The following BICD1 variants were observed in gnomAD, a reference collection of about 807,000 sequenced individuals.
BICD1 encodes BICD cargo adaptor 1.
A neutral mutation model predicts 92.5 loss-of-function variants in BICD1; 35 were observed. The observed-to-expected ratio is 0.38, with a 90% CI of 0.29 to 0.50. The LOEUF (loss-of-function observed/expected upper bound fraction) is 0.50. Ranked by LOEUF, BICD1 falls within the 20% of genes least tolerant of loss-of-function variation. The probability of loss-of-function intolerance (pLI) is 0.93; values close to 1 mark genes in which losing one functional copy is unlikely to be tolerated. For synonymous variants in BICD1, 429 were observed against 465.1 expected (o/e 0.92, Z 1.00); for missense variants, 950 against 1,189.8 (o/e 0.80, Z 2.97).
chr12:32,324,829 C>T (rs548713111), intron 4 of BICD1, among the ~76,000 whole-genome samples: 1 of 152,094 alleles, frequency 6.6e-6, no homozygotes, highest in Non-Finnish European at 1.5e-5. Context: ...CCACCCACCT[C>T]GGCCTCCCAA....
intron 2 of BICD1, among the ~76,000 whole-genome samples, chr12:32,232,120 G>C (rs1451677767): frequency 1.3e-5 from 2 of 151,132 alleles, no homozygotes; most frequent in East Asian, 3.9e-4. Context: ...GGATGGCTGG[G>C]TCAAATGGTA....
At chr12:32,110,876 T>C (rs1394553090) in intron 1 of BICD1, among the ~76,000 whole-genome samples, 3 of 150,092 alleles carry the variant, frequency 2.0e-5, no homozygotes, top group African/African-American at 7.3e-5. Flanking sequence ...TTAGGAGATA[T>C]ACCTAATGCT....
chr12:32,335,615 C>G (rs1460497678), intron 6 of BICD1, among the ~76,000 whole-genome samples: 1 of 143,196 alleles, frequency 7.0e-6, no homozygotes, highest in Non-Finnish European at 1.5e-5. Context: ...GGGTCTCACT[C>G]TGTCACCCAG....
chr12:32,338,911 C>T lies in BICD1; in HGVS notation c.2696C>T (p.Pro899Leu), dbSNP rs1005858759. ...STESFLLKGP[P>L]SMSEFIQGHR... ...GAATCATTTCTTCTGAAGGGCCCCC[C>T]TTCCATGAGTGAATTCATCCAAGGG... The change falls in exon 8 of 10, where the codon CCT becomes CTT. Residue 899 changes from proline (P) to leucine (L), a missense_variant. This residue lies in a region of BICD1 where 179 missense variants were observed against 186.7 expected (regional missense o/e 0.96). Coordinates refer to ENST00000652176, the MANE Select transcript of BICD1 (RefSeq NM_001714.4). 5 of 1,608,482 alleles carry T rather than the reference C, an allele frequency of 3.1e-6. No individual in the cohort carries two copies. Among genetic ancestry groups the T allele is most frequent in the Non-Finnish European group, 4.2e-6 (5 of 1,177,750 alleles).
intron 3 of BICD1, among the ~76,000 whole-genome samples, chr12:32,297,841 C>T (rs1401763456): frequency 6.6e-6 from 1 of 151,702 alleles, no homozygotes; most frequent in Non-Finnish European, 1.5e-5. Flanking sequence ...CATATAGCAC[C>T]TACGATAGAG....
At chr12:32,277,735 G>T (rs1165353106) in intron 2 of BICD1, among the ~76,000 whole-genome samples, 1 of 152,166 alleles carries the variant, frequency 6.6e-6, no homozygotes, top group African/African-American at 2.4e-5. Flanking sequence ...CCCTTGATTT[G>T]CAAATCAAGC....
At chr12:32,266,504 C>A (rs1438249067) in intron 2 of BICD1, among the ~76,000 whole-genome samples, 1 of 151,972 alleles carries the variant, frequency 6.6e-6, no homozygotes, top group Non-Finnish European at 1.5e-5. Context: ...AGCAAACTGC[C>A]AAAAAATCAT....
At chr12:32,340,432 C>A (rs1417081273) in intron 8 of BICD1, 1 of 985,244 alleles carries the variant, frequency 1.0e-6, no homozygotes, top group East Asian at 1.1e-4. Context: ...TATCAGGATA[C>A]CTAACTCGGA....
intron 1 of BICD1, among the ~76,000 whole-genome samples, chr12:32,122,568 C>T (rs970673668): frequency 1.3e-5 from 2 of 151,482 alleles, no homozygotes; most frequent in Admixed American, 6.6e-5. Context: ...ATCTTAATTA[C>T]TGTAGTTATT....
chr12:32,169,549 G>A (rs981478605), intron 1 of BICD1, among the ~76,000 whole-genome samples: 1 of 151,658 alleles, frequency 6.6e-6, no homozygotes, highest in Non-Finnish European at 1.5e-5. Flanking sequence ...AAAGTGTTGG[G>A]ATTACAGGCG....
chr12:32,293,201 C>T (rs1480820153), intron 2 of BICD1, among the ~76,000 whole-genome samples: 2 of 152,048 alleles, frequency 1.3e-5, no homozygotes, highest in Admixed American at 6.6e-5. Context: ...GTGTGTGTTC[C>T]CTGTATTTCT....
intron 4 of BICD1, among the ~76,000 whole-genome samples, chr12:32,323,243 C>G (rs1233851807): frequency 6.6e-6 from 1 of 152,160 alleles, no homozygotes. Context: ...TCAAATATTT[C>G]CTGACTCTAA....
chr12:32,346,948 C>A (rs1160416231), intron 8 of BICD1, among the ~76,000 whole-genome samples: 2 of 117,362 alleles, frequency 1.7e-5, no homozygotes, highest in Non-Finnish European at 3.7e-5. Context: ...TATTTCTTTT[C>A]TTTTCTTTTT....
chr12:32,239,904 G>A (rs1946189422), intron 2 of BICD1, among the ~76,000 whole-genome samples: 1 of 152,020 alleles, frequency 6.6e-6, no homozygotes, highest in Admixed American at 6.6e-5. Context: ...CACCATGCCT[G>A]GCCCACTCAA....
rs539635713 is a variant in BICD1 at position 32,273,199 on chromosome 12, G to T, written c.427-20795G>T. Among the ~76,000 whole-genome samples, 57 of 152,248 alleles carry T rather than the reference G, an allele frequency of 3.7e-4. 1 individual carries two copies. The South Asian group carries it at 0.012, about 32-fold the overall frequency. On this transcript the variant is annotated intron_variant, in intron 2 of 9. Transcript: ENST00000652176. ...GAGGCAGGACCTTGTCTTTTCAATG[G>T]TGTCTTCCTGGGTGGCTGCCAGAAT...
At chr12:32,375,064 G>A (rs528477386) in intron 9 of BICD1, among the ~76,000 whole-genome samples, 1 of 148,614 alleles carries the variant, frequency 6.7e-6, no homozygotes, top group Non-Finnish European at 1.5e-5. Context: ...GACTACAGGC[G>A]CCCGCCACCA....
At chr12:32,221,357 A>AAT (rs1398305256) in intron 2 of BICD1, among the ~76,000 whole-genome samples, 2 of 85,284 alleles carry the variant, frequency 2.3e-5, no homozygotes, top group African/African-American at 1.2e-4. Context: ...AAAAATAAAA[A>AAT]AATAAATAAA....
chr12:32,297,940 C>G (rs750810507), intron 3 of BICD1, among the ~76,000 whole-genome samples: 1 of 152,028 alleles, frequency 6.6e-6, no homozygotes, highest in Non-Finnish European at 1.5e-5. Context: ...AATCTCAGCA[C>G]TTTGGGAGGC....
intron 1 of BICD1, among the ~76,000 whole-genome samples, chr12:32,192,576 A>C (rs184006360): frequency 6.6e-6 from 1 of 152,334 alleles, no homozygotes; most frequent in African/African-American, 2.4e-5. Flanking sequence ...GCCAAAGCTT[A>C]ATCCAGAGCA....
Sources: gnomAD v4.1 joint callset for allele counts (sites outside exome capture counted in the v4.1 genomes callset) on GRCh38, gnomAD v4.1.1 for gene constraint, gnomAD v4.1.1 regional missense constraint, MANE v1.5 for transcripts, NCBI Gene and HGNC (gene_info 2026-07-23, HGNC 2026-07-21) for gene names.